The following SFMBT1 variants were observed in gnomAD, a reference collection of about 807,000 sequenced individuals.
SFMBT1 encodes scm-like with four MBT domains protein 1.
SFMBT1 carries 32 observed loss-of-function variants against 108.7 expected under a neutral mutation model. The ratio of observed to expected loss-of-function variants is 0.29; its 90% CI spans 0.22 to 0.40. The LOEUF (loss-of-function observed/expected upper bound fraction) is 0.40. SFMBT1 is among the 10% of genes least tolerant of loss of function. The pLI is 1.00. For synonymous variants in SFMBT1, 348 were observed against 369.5 expected, an observed-to-expected ratio of 0.94 and a Z score of 0.67; for missense variants, 816 against 1,059.6, an observed-to-expected ratio of 0.77 and a Z score of 3.19.
At chr3:52,970,173 C>T (rs530991182) in intron 1 of SFMBT1, among the ~76,000 whole-genome samples, 1 of 151,544 alleles carries the variant, frequency 6.6e-6, no homozygotes, top group African/African-American at 2.4e-5. Flanking sequence ...TTTTGAGGTA[C>T]AAATTAATAA....
At chr3:53,018,722 T>C (rs1699205376) in intron 1 of SFMBT1, among the ~76,000 whole-genome samples, 1 of 152,164 alleles carries the variant, frequency 6.6e-6, no homozygotes, top group South Asian at 2.1e-4. Context: ...CCAATGACCT[T>C]CCAATTGCTA....
chr3:52,989,747 T>G (rs1705055951), intron 1 of SFMBT1, among the ~76,000 whole-genome samples: 1 of 151,164 alleles, frequency 6.6e-6, no homozygotes, highest in South Asian at 2.1e-4. Context: ...TAAGCCAAGG[T>G]CACGCCACTG....
intron 4 of SFMBT1, among the ~76,000 whole-genome samples, chr3:52,936,367 A>C (rs1368729161): frequency 6.6e-6 from 1 of 152,224 alleles, no homozygotes; most frequent in African/African-American, 2.4e-5. Context: ...ACCCTTTAAA[A>C]TAAACAGTTG....
chr3:52,918,794 G>GT (rs1329890991), intron 12 of SFMBT1, among the ~76,000 whole-genome samples: 1 of 152,094 alleles, frequency 6.6e-6, no homozygotes, highest in Non-Finnish European at 1.5e-5. Flanking sequence ...CCCTGGGTCA[G>GT]TAAGTGTTGG....
At chr3:52,975,412 G>A (rs1704484870) in intron 1 of SFMBT1, among the ~76,000 whole-genome samples, 2 of 152,084 alleles carry the variant, frequency 1.3e-5, no homozygotes, top group Non-Finnish European at 2.9e-5. Flanking sequence ...ACCTAAGCTG[G>A]GCATAGTGGC....
At position 52,931,081 on chromosome 3, in the gene SFMBT1, AC is replaced by A. The variant is rs757078975; in HGVS notation, c.701-47del. 31 of 1,538,924 alleles carry A rather than the reference AC, an allele frequency of 2.0e-5. 1 individual carries two copies. In the African/African-American group the frequency reaches 4.1e-4, roughly 20 times the overall value. ...ATGCTTTAGATGATGAGAAACTTAT[AC>A]TTTTTACCTGTCCTGAAAGCATTCA... is the stretch of plus-strand genomic sequence containing the variant. On this transcript the variant is annotated intron_variant, in intron 6 of 20. Coordinates refer to ENST00000394752, the MANE Select transcript of SFMBT1 (RefSeq NM_016329.4).
At chr3:52,923,798 G>C (rs938496839) in intron 10 of SFMBT1, among the ~76,000 whole-genome samples, 4 of 151,888 alleles carry the variant, frequency 2.6e-5, no homozygotes, top group Admixed American at 1.3e-4. Flanking sequence ...AGAGAAAAGA[G>C]ACAAAACGGA....
chr3:52,961,781 G>A (rs1268823942), intron 2 of SFMBT1, among the ~76,000 whole-genome samples: 1 of 152,198 alleles, frequency 6.6e-6, no homozygotes, highest in Non-Finnish European at 1.5e-5. Context: ...GTACAGGCCA[G>A]CAGAAAGTCA....
chr3:53,007,351 GT>G (rs1698783001), intron 1 of SFMBT1, among the ~76,000 whole-genome samples: 2 of 152,180 alleles, frequency 1.3e-5, no homozygotes, highest in African/African-American at 2.4e-5. Flanking sequence ...GTCACTCTAA[GT>G]GATATATTAG....
At chr3:53,010,311 G>A (rs1698897555) in intron 1 of SFMBT1, among the ~76,000 whole-genome samples, 1 of 152,204 alleles carries the variant, frequency 6.6e-6, no homozygotes, top group Non-Finnish European at 1.5e-5. Context: ...AGGGGGTGTG[G>A]TGCAGGAAGC....
rs565694337 is a variant in SFMBT1 at position 52,949,858 on chromosome 3, C to T, written c.123+4459G>A. 8.5e-5 allele frequency among the ~76,000 whole-genome samples: 13 copies of T among 152,160 alleles called. No individual in the cohort carries two copies. In the South Asian group the frequency reaches 2.5e-3, roughly 29 times the overall value. Reference sequence around the variant, plus strand: ...CCTCCCAAAGTGCTGGGATTACAGGCGTAATGTCCTAACATTCCTTGCTTT... The same window carrying T: ...CCTCCCAAAGTGCTGGGATTACAGGTGTAATGTCCTAACATTCCTTGCTTT... On this transcript the variant is annotated intron_variant, in intron 3 of 20. Transcript: ENST00000394752.
At chr3:52,930,470 C>A in intron 7 of SFMBT1, 40 bp from the exon 8 acceptor site, 1 of 1,103,812 alleles carries the variant, frequency 9.1e-7, no homozygotes, top group East Asian at 2.4e-5. Context: ...AACATAGTAT[C>A]TGTATCAATC....
At position 52,907,747 on chromosome 3, in the gene SFMBT1, A is replaced by G; in HGVS notation, c.1907-14T>C. 1 of 1,576,318 alleles carries G rather than the reference A, an allele frequency of 6.3e-7. No individual in the cohort carries two copies. The highest frequency in any genetic ancestry group is 8.6e-7 in the Non-Finnish European group (1 of 1,166,108). ...CGTAATAGTGTGCTAAATGTGGATG[A>G]CAAAGAAAAATGAAGTAGCTTCATT... On this transcript the variant is annotated splice_polypyrimidine_tract_variant and intron_variant, in intron 17 of 20. Transcript: ENST00000394752.
In SFMBT1 at chr3:53,026,336, G is replaced by A. The variant is rs1699489783; in HGVS notation, c.-131+19480C>T. Among the ~76,000 whole-genome samples the A allele has an allele frequency of 2.6e-5, 4 of 151,178 alleles. No homozygotes were observed. In the South Asian group the frequency reaches 8.6e-4, roughly 33 times the overall value. Reference sequence around the variant, plus strand: ...CTTTCCTAGCATTCTACCAAAATCAGTTTAATTTTTAAAATAATAAAAATA... The same window carrying A: ...CTTTCCTAGCATTCTACCAAAATCAATTTAATTTTTAAAATAATAAAAATA... On this transcript the variant is annotated intron_variant, in intron 1 of 20. Coordinates refer to ENST00000394752, the MANE Select transcript of SFMBT1 (RefSeq NM_016329.4).
chr3:52,994,437 C>CAA (rs556879378), intron 1 of SFMBT1, among the ~76,000 whole-genome samples: 3 of 143,682 alleles, frequency 2.1e-5, no homozygotes, highest in African/African-American at 7.5e-5. Flanking sequence ...AACTATCTTT[C>CAA]AAAAAAAAAA....
At position 52,997,311 on chromosome 3, in the gene SFMBT1, G is replaced by A. The variant is rs547422544; in HGVS notation, c.-130-28053C>T. On this transcript the variant is annotated intron_variant, in intron 1 of 20. Transcript: ENST00000394752. Reference sequence around the variant, plus strand: ...CCAGCACTTTGGGAGGCCGAGGGGGGCGGATCACGAGGTCAGGAGATCGGT... The same window carrying A: ...CCAGCACTTTGGGAGGCCGAGGGGGACGGATCACGAGGTCAGGAGATCGGT... Among the ~76,000 whole-genome samples the A allele has an allele frequency of 8.0e-5, 12 of 149,866 alleles. No homozygotes were observed. In the East Asian group the frequency reaches 1.8e-3, roughly 22 times the overall value.
chr3:53,008,224 A>C (rs1698815356), intron 1 of SFMBT1, among the ~76,000 whole-genome samples: 1 of 152,206 alleles, frequency 6.6e-6, no homozygotes, highest in Non-Finnish European at 1.5e-5. Context: ...TGTTGTACTT[A>C]TGTAGAAGAA....
At chr3:53,009,013 G>A (rs1698851790) in intron 1 of SFMBT1, among the ~76,000 whole-genome samples, 1 of 151,732 alleles carries the variant, frequency 6.6e-6, no homozygotes, top group African/African-American at 2.4e-5. Flanking sequence ...GGTGGCTCAT[G>A]CCTGTAATCC....
chr3:52,968,662 C>T (rs542627467), intron 2 of SFMBT1, among the ~76,000 whole-genome samples: 2 of 148,210 alleles, frequency 1.3e-5, no homozygotes, highest in African/African-American at 5.0e-5. Flanking sequence ...TGCAGTGGCG[C>T]GATCCTGGCT....
Sources: gnomAD v4.1 joint callset for allele counts (sites outside exome capture counted in the v4.1 genomes callset) on GRCh38, gnomAD v4.1.1 for gene constraint, MANE v1.5 for transcripts, NCBI Gene and HGNC (gene_info 2026-07-23, HGNC 2026-07-21) for gene names.